Variants in ESRRG observed in about 807,000 individuals in gnomAD.
The protein encoded by ESRRG is estrogen-related receptor gamma.
A neutral mutation model predicts 44.0 loss-of-function variants in ESRRG; 13 were observed. That is an observed-to-expected ratio of 0.30 (90% CI 0.19 to 0.47). ESRRG has a LOEUF of 0.47. ESRRG is among the 20% of genes least tolerant of loss of function. ESRRG has a pLI of 1.00. For synonymous variants in ESRRG, 215 were observed against 214.6 expected, an observed-to-expected ratio of 1.00 and a Z score of -0.02; for missense variants, 395 against 580.6, an observed-to-expected ratio of 0.68 and a Z score of 3.29.
intron 1 of ESRRG, among the ~76,000 whole-genome samples, chr1:217,056,363 C>T (rs1288657507): frequency 6.6e-6 from 1 of 151,908 alleles, no homozygotes; most frequent in African/African-American, 2.4e-5. Context: ...TTATAGGTCA[C>T]CATATATTTA....
chr1:216,539,578 CTTCCTGTCCA>C (rs935699208), intron 5 of ESRRG, among the ~76,000 whole-genome samples: 6 of 151,960 alleles, frequency 3.9e-5, no homozygotes, highest in Non-Finnish European at 8.8e-5. Flanking sequence ...ATATGCTGTC[CTTCCTGTCCA>C]TTTTCTGTCT....
At chr1:216,824,813 G>A (rs1946752) in intron 2 of ESRRG, among the ~76,000 whole-genome samples, 8,692 of 152,220 alleles carry the variant, frequency 0.057, 778 homozygotes, top group African/African-American at 0.19. Context: ...CAAATTTGTC[G>A]CAGATTTTTA....
At chr1:216,959,988 T>A (rs187165044) in intron 1 of ESRRG, among the ~76,000 whole-genome samples, 2 of 152,284 alleles carry the variant, frequency 1.3e-5, no homozygotes, top group Middle Eastern at 3.4e-3. Flanking sequence ...GGTGTTTAAG[T>A]AACTTGTTAA....
chr1:216,722,615 A>G (rs946921676), intron 1 of ESRRG, among the ~76,000 whole-genome samples: 1 of 152,146 alleles, frequency 6.6e-6, no homozygotes, highest in African/African-American at 2.4e-5. Context: ...CCCCCCTTAA[A>G]TATTTATAAT....
chr1:216,510,060 C>T (rs756403289), intron 6 of ESRRG, among the ~76,000 whole-genome samples: 6 of 152,074 alleles, frequency 3.9e-5, no homozygotes, highest in Non-Finnish European at 7.4e-5. Context: ...TAATAGGAAC[C>T]AGCTAAACTT....
At chr1:216,945,210 G>A (rs2065874960) in intron 1 of ESRRG, among the ~76,000 whole-genome samples, 1 of 152,040 alleles carries the variant, frequency 6.6e-6, no homozygotes, top group South Asian at 2.1e-4. Flanking sequence ...GGGAAAAGTG[G>A]GTTTTGTTAA....
rs1245641112 is a variant in ESRRG at position 216,506,656 on chromosome 1, GA to G, written c.*282del. 1 of 531,034 alleles carries G rather than the reference GA, an allele frequency of 1.9e-6. No homozygotes were observed. Among genetic ancestry groups the G allele is most frequent in the Non-Finnish European group, 3.6e-6 (1 of 280,750 alleles). The allele number at this position is 531,034 out of a possible 1,614,324, so 32.9% of individuals were successfully genotyped here. The stretch of plus-strand genomic sequence containing the variant: ...AGGAGAATGGGAACTAGGAATGAAA[GA>G]AGCAAAGAAATAAGGGAGGTGAAAG... On this transcript the variant is annotated 3_prime_UTR_variant, in exon 7 of 7. Coordinates refer to ENST00000408911, the MANE Select transcript of ESRRG (RefSeq NM_001438.4).
intron 1 of ESRRG, among the ~76,000 whole-genome samples, chr1:217,065,594 G>C (rs2089497222): frequency 6.6e-6 from 1 of 152,182 alleles, no homozygotes; most frequent in Non-Finnish European, 1.5e-5. Flanking sequence ...GACAGCCACA[G>C]GTGGGAGTGA....
At chr1:216,559,616 T>C (rs560906752) in intron 5 of ESRRG, among the ~76,000 whole-genome samples, 41 of 152,324 alleles carry the variant, frequency 2.7e-4, no homozygotes, top group African/African-American at 9.4e-4. Flanking sequence ...AGAAACATAG[T>C]TTACATTATA....
chr1:216,544,912 T>G (rs2054018163), intron 5 of ESRRG, among the ~76,000 whole-genome samples: 1 of 152,012 alleles, frequency 6.6e-6, no homozygotes, highest in Non-Finnish European at 1.5e-5. Flanking sequence ...GTTTTTCTCT[T>G]AAATGATTAG....
intron 2 of ESRRG, among the ~76,000 whole-genome samples, chr1:216,879,835 C>T (rs1248511734): frequency 1.3e-5 from 2 of 152,146 alleles, no homozygotes; most frequent in African/African-American, 4.8e-5. Flanking sequence ...TGTGTAGCTA[C>T]ACCATATTTA....
chr1:216,824,083 C>T lies in ESRRG; in HGVS notation c.-14+115499G>A, dbSNP rs75361040. On this transcript the variant is annotated intron_variant, in intron 2 of 7. Coordinates refer to the ESRRG transcript ENST00000359162. ...AAAATCTGTAAAATGACTTTCTTTC[C>T]CCTACATTTCCTAGGGCCGCATTAG... 5.8e-3 allele frequency among the ~76,000 whole-genome samples: 878 copies of T among 152,212 alleles called. 7 individuals are homozygous for T. The highest frequency in any genetic ancestry group is 0.02 in the African/African-American group (833 of 41,520).
intron 5 of ESRRG, among the ~76,000 whole-genome samples, chr1:216,521,088 G>A (rs139343130): frequency 7.2e-5 from 11 of 152,142 alleles, no homozygotes; most frequent in Admixed American, 2.6e-4. Context: ...CATTTCTTTC[G>A]TTGTTTATCA....
At chr1:217,028,926 A>T (rs989529214) in intron 1 of ESRRG, among the ~76,000 whole-genome samples, 12 of 152,140 alleles carry the variant, frequency 7.9e-5, no homozygotes, top group African/African-American at 2.9e-4. Flanking sequence ...AAATGCAAGC[A>T]TTGCACCAAA....
chr1:216,840,057 G>A (rs1324856403), intron 2 of ESRRG, among the ~76,000 whole-genome samples: 1 of 152,148 alleles, frequency 6.6e-6, no homozygotes, highest in East Asian at 1.9e-4. Context: ...TAGCTTTGAT[G>A]CCAGGCATTG....
chr1:217,060,739 A>C (rs571937834), intron 1 of ESRRG, among the ~76,000 whole-genome samples: 4 of 152,168 alleles, frequency 2.6e-5, no homozygotes, highest in Middle Eastern at 3.4e-3. Flanking sequence ...GCCAGGACCC[A>C]GAAGAAAAAA....
chr1:216,912,777 G>A (rs74505574), intron 2 of ESRRG, among the ~76,000 whole-genome samples: 2,417 of 152,082 alleles, frequency 0.016, 71 homozygotes, highest in African/African-American at 0.054. Context: ...CACACAGTCA[G>A]CCTTCTATAT....
chr1:216,952,235 C>T (rs1219953856), intron 1 of ESRRG, among the ~76,000 whole-genome samples: 1 of 152,176 alleles, frequency 6.6e-6, no homozygotes, highest in East Asian at 1.9e-4. Context: ...TCACATTAGA[C>T]TTTCTACAAC....
Position 216,898,343 on chromosome 1 carries a change from C to CA in ESRRG, c.-14+41238dup, listed in dbSNP as rs372522721. Reference sequence around the variant, plus strand: ...TATAAGAAGTTGGTACATGGCCAGGCACGGTGGCTCACGCCTGTAATCCCA... The same window carrying CA: ...TATAAGAAGTTGGTACATGGCCAGGCAACGGTGGCTCACGCCTGTAATCCCA... On this transcript the variant is annotated intron_variant, in intron 2 of 7. Coordinates refer to the ESRRG transcript ENST00000359162. Among the ~76,000 whole-genome samples, 272 of 152,284 alleles carry CA rather than the reference C, an allele frequency of 1.8e-3. 1 individual carries two copies. Among genetic ancestry groups the CA allele is most frequent in the African/African-American group, 6.3e-3 (262 of 41,564 alleles).
Sources: allele counts gnomAD v4.1 joint callset (sites outside exome capture counted in the v4.1 genomes callset), GRCh38; gene constraint gnomAD v4.1.1; transcripts MANE v1.5; gene names NCBI Gene and HGNC (gene_info 2026-07-23, HGNC 2026-07-21).